NSD1: variants seen among roughly 807,000 people sequenced by gnomAD.
NSD1 encodes histone-lysine N-methyltransferase, H3 lysine-36 specific.
In NSD1, 26 loss-of-function variants were observed where a neutral mutation model predicts 242.7. That is an observed-to-expected ratio of 0.11 (90% CI 0.08 to 0.15). The LOEUF (loss-of-function observed/expected upper bound fraction) is 0.15, where lower values mean the gene tolerates loss of function less well. NSD1 is among the 10% of genes least tolerant of loss of function. NSD1 has a pLI of 1.00. For synonymous variants in NSD1, 1,106 were observed against 1,178.1 expected (o/e 0.94, Z 1.25); for missense variants, 2,495 against 3,272.8 (o/e 0.76, Z 5.80).
At chr5:177,154,238 C>T (rs1444097475) in intron 2 of NSD1, among the ~76,000 whole-genome samples, 1 of 151,912 alleles carries the variant, frequency 6.6e-6, no homozygotes, top group Non-Finnish European at 1.5e-5. Context: ...GATGCAGTAA[C>T]TTTTTATGAT....
At chr5:177,230,672 G>A (rs1220918513) in intron 5 of NSD1, among the ~76,000 whole-genome samples, 2 of 151,664 alleles carry the variant, frequency 1.3e-5, no homozygotes, top group Non-Finnish European at 2.9e-5. Flanking sequence ...CTAAAAATCC[G>A]AAAAATGAGC....
intron 5 of NSD1, among the ~76,000 whole-genome samples, chr5:177,220,091 G>C (rs1025368376): frequency 5.3e-5 from 8 of 152,122 alleles, no homozygotes; most frequent in African/African-American, 1.9e-4. Context: ...CAAGTCCTCT[G>C]TTTCTTTATT....
intron 5 of NSD1, among the ~76,000 whole-genome samples, chr5:177,216,948 GT>G (rs539879823): frequency 0.027 from 3,768 of 141,596 alleles, 64 homozygotes; most frequent in South Asian, 0.056. Flanking sequence ...AAGGCCTTCA[GT>G]TTTTTTTTTT....
chr5:177,287,990 T>C (rs1759470697), intron 20 of NSD1, among the ~76,000 whole-genome samples: 1 of 152,254 alleles, frequency 6.6e-6, no homozygotes, highest in Non-Finnish European at 1.5e-5. Flanking sequence ...CAGTTTTTAA[T>C]ATGAATGATG....
At chr5:177,256,105 C>T (rs980811211) in intron 12 of NSD1, among the ~76,000 whole-genome samples, 1 of 151,892 alleles carries the variant, frequency 6.6e-6, no homozygotes, top group Non-Finnish European at 1.5e-5. Flanking sequence ...TCAGGGATGT[C>T]TTTTTATTAT....
rs1201326024 is a variant in NSD1, at chr5:177,220,994, G to A, written c.3796+8799G>A. On this transcript the variant is annotated intron_variant, in intron 5 of 22. Transcript: ENST00000439151. Reference sequence around the variant, plus strand: ...TTCTTGTGCCTCAGCCTCCTGAGTAGCTGGGGCTACAGGTGCCTTCCACCA... The same window carrying A: ...TTCTTGTGCCTCAGCCTCCTGAGTAACTGGGGCTACAGGTGCCTTCCACCA... 3 of 454,430 alleles carry A rather than the reference G, an allele frequency of 6.6e-6. No homozygotes were observed. In the Admixed American group the frequency reaches 7.1e-5, roughly 11 times the overall value. 28.1% of individuals were successfully genotyped at this position (454,430 alleles called of 1,614,324 possible). A position where few individuals can be genotyped will look rare whatever the true frequency, so the allele number is the denominator to read the frequency against.
In NSD1 at chr5:177,210,098, A is replaced by C; in HGVS notation, c.1699A>C (p.Ser567Arg). ...SLTGSNTAPG[S>R]FLFSSCGKNT... ...CACAGGGTCCAACACTGCCCCAGGA[A>C]GTTTTCTGTTTTCTTCCTGTGGAAA... Residue 567 changes from serine to arginine, a missense_variant, in exon 5 of 23, where the codon AGT becomes CGT. Transcript: ENST00000439151. The C allele has an allele frequency of 6.2e-7, 1 of 1,613,586 alleles. No homozygotes were observed. Among genetic ancestry groups the C allele is most frequent in the Non-Finnish European group, 8.5e-7 (1 of 1,179,836 alleles).
At chr5:177,175,383 T>C (rs566277801) in intron 2 of NSD1, among the ~76,000 whole-genome samples, 1 of 152,220 alleles carries the variant, frequency 6.6e-6, no homozygotes, top group South Asian at 2.1e-4. Flanking sequence ...CTCAGCACTC[T>C]GTGAGGCCAG....
intron 2 of NSD1, among the ~76,000 whole-genome samples, chr5:177,156,876 C>A (rs1758179163): frequency 6.6e-6 from 1 of 150,690 alleles, no homozygotes. Context: ...TAGGCTGAGG[C>A]AGGAGAATAG....
At chr5:177,205,035 T>C (rs1762777114) in intron 4 of NSD1, among the ~76,000 whole-genome samples, 1 of 152,110 alleles carries the variant, frequency 6.6e-6, no homozygotes, top group Non-Finnish European at 1.5e-5. Context: ...TTTTTTTGTT[T>C]GTTTGTTTCT....
intron 3 of NSD1, among the ~76,000 whole-genome samples, chr5:177,200,370 A>C (rs1357352571): frequency 6.6e-6 from 1 of 152,084 alleles, no homozygotes; most frequent in Admixed American, 6.5e-5. Context: ...CGGCCTCCCA[A>C]GGTGCTGTCC....
Position 177,191,855 on chromosome 5 carries a change from T to C in NSD1, c.928-29T>C, listed in dbSNP as rs371105932. ...ATGTTTCAAAATATTTTGATTCTTA[T>C]TGATGCCCCATGTTTTGTCTGTCTA... On this transcript the variant is annotated intron_variant, in intron 2 of 22. Coordinates refer to ENST00000439151, the MANE Select transcript of NSD1 (RefSeq NM_022455.5). The C allele has an allele frequency of 4.4e-5, 71 of 1,612,328 alleles. 3 individuals carry two copies. In the African/African-American group the frequency reaches 8.0e-4, roughly 18 times the overall value.
intron 17 of NSD1, among the ~76,000 whole-genome samples, chr5:177,280,313 C>A (rs1048785835): frequency 2.7e-5 from 4 of 149,156 alleles, no homozygotes; most frequent in Admixed American, 2.7e-4. Context: ...CTCAACATAT[C>A]GGCCAGGCTG....
At chr5:177,201,291 C>CCT (rs1762493493) in intron 3 of NSD1, among the ~76,000 whole-genome samples, 1 of 152,072 alleles carries the variant, frequency 6.6e-6, no homozygotes, top group South Asian at 2.1e-4. Flanking sequence ...CTCACTGCAA[C>CCT]CTCTGCCTCC....
intron 3 of NSD1, among the ~76,000 whole-genome samples, chr5:177,197,396 G>A (rs925687661): frequency 6.6e-6 from 1 of 152,250 alleles, no homozygotes. Flanking sequence ...GCCGAGGCAG[G>A]CGGATCACAA....
intron 3 of NSD1, among the ~76,000 whole-genome samples, chr5:177,202,892 T>TTTAGTTAG (rs2149834838): frequency 6.6e-6 from 1 of 152,288 alleles, no homozygotes; most frequent in East Asian, 1.9e-4. Flanking sequence ...TTAACTAAGT[T>TTTAGTTAG]TTAGTTTCAT....
intron 2 of NSD1, among the ~76,000 whole-genome samples, chr5:177,180,634 T>C (rs1760580532): frequency 6.6e-6 from 1 of 152,166 alleles, no homozygotes; most frequent in Non-Finnish European, 1.5e-5. Context: ...AATTTTGTTA[T>C]GTGTCCTGGT....
At position 177,299,686 on chromosome 5, in the gene NSD1, C is replaced by A. The variant is rs527972474; in HGVS notation, c.*4227C>A. The A allele has an allele frequency of 7.1e-4, 165 of 233,344 alleles. 1 individual carries two copies. The highest frequency in any genetic ancestry group is 3.6e-3 in the African/African-American group (162 of 45,480). 14.5% of individuals were successfully genotyped at this position (233,344 alleles called of 1,614,324 possible). Reference sequence around the variant, plus strand: ...GCTGTTTCTGCTTATGTGGTTCCTTCTCTAGAGCTGCTTTCCCATGGCTTT... The same window carrying A: ...GCTGTTTCTGCTTATGTGGTTCCTTATCTAGAGCTGCTTTCCCATGGCTTT... On this transcript the variant is annotated 3_prime_UTR_variant, in exon 23 of 23. Transcript: ENST00000439151.
intron 2 of NSD1, among the ~76,000 whole-genome samples, chr5:177,156,174 A>ATTTTTTTTTT (rs34417228): frequency 7.7e-5 from 6 of 78,018 alleles, no homozygotes; most frequent in African/African-American, 1.6e-4. Context: ...CTCTTTTCAG[A>ATTTTTTTTTT]TTTTTTTTTT....
Sources: gnomAD v4.1 joint callset for allele counts (sites outside exome capture counted in the v4.1 genomes callset) on GRCh38, gnomAD v4.1.1 for gene constraint, MANE v1.5 for transcripts, NCBI Gene and HGNC (gene_info 2026-07-23, HGNC 2026-07-21) for gene names.